TAFA4: variants seen among roughly 807,000 people sequenced by gnomAD.
The protein encoded by TAFA4 is TAFA chemokine like family member 4.
Under a neutral mutation model 21.1 loss-of-function variants are expected in TAFA4, and 20 were observed. The observed-to-expected ratio is 0.95, with a 90% confidence interval of 0.67 to 1.38. The LOEUF (loss-of-function observed/expected upper bound fraction) is 1.38, where lower values mean the gene tolerates loss of function less well. Ranked by LOEUF, TAFA4 falls within the 40% of genes most tolerant of loss-of-function variation. The pLI is 0.00. For missense variants in TAFA4, 211 were observed against 180.9 expected (o/e 1.17, Z -0.95); for synonymous variants, 71 against 67.4 (o/e 1.05, Z -0.26).
Position 68,744,675 on chromosome 3 carries a change from C to T in TAFA4, c.287-5476G>A, listed in dbSNP as rs536375739. Among the ~76,000 whole-genome samples, 66 of 152,116 alleles carry T rather than the reference C, an allele frequency of 4.3e-4. 1 individual carries two copies. Among genetic ancestry groups the T allele is most frequent in the African/African-American group, 6.0e-4 (25 of 41,498 alleles). ...GAGCTGGAGGGGGAAATAAAAATGA[C>T]GGATCCGGATGTATATCACAGAACA... On this transcript the variant is annotated intron_variant, in intron 4 of 5. Transcript: ENST00000295569.
chr3:68,931,339 G>A (rs559953560), intron 1 of TAFA4, among the ~76,000 whole-genome samples: 35 of 152,238 alleles, frequency 2.3e-4, no homozygotes, highest in African/African-American at 7.7e-4. Context: ...CCGTGAACCC[G>A]TGCATGTACA....
chr3:68,863,408 C>G (rs1433206491), intron 3 of TAFA4, among the ~76,000 whole-genome samples: 1 of 152,116 alleles, frequency 6.6e-6, no homozygotes, highest in Non-Finnish European at 1.5e-5. Context: ...AAAATGCCAT[C>G]AACACATGCT....
intron 3 of TAFA4, among the ~76,000 whole-genome samples, chr3:68,773,905 A>G (rs1703003737): frequency 6.6e-6 from 1 of 152,204 alleles, no homozygotes; most frequent in Non-Finnish European, 1.5e-5. Context: ...CGTGAGACTT[A>G]CTCAAGCAGT....
At chr3:68,861,883 A>G (rs573768504) in intron 3 of TAFA4, among the ~76,000 whole-genome samples, 2 of 152,208 alleles carry the variant, frequency 1.3e-5, no homozygotes, top group East Asian at 3.9e-4. Flanking sequence ...TTTACTAGAC[A>G]TAGTGCTGGG....
rs538070256 is a variant in TAFA4, at chr3:68,830,963, T to C, written c.130+49767A>G. The stretch of plus-strand genomic sequence containing the variant: ...TGTAATGGCCTTCTTTGTCTCTTCT[T>C]ATCTTTGTTGGTTTATAGTCTGTTT... On this transcript the variant is annotated intron_variant, in intron 3 of 5. Coordinates refer to ENST00000295569, the MANE Select transcript of TAFA4 (RefSeq NM_182522.5). Among the ~76,000 whole-genome samples the C allele has an allele frequency of 3.1e-3, 476 of 152,278 alleles. 2 individuals carry two copies. Among genetic ancestry groups the C allele is most frequent in the African/African-American group, 0.011 (465 of 41,542 alleles).
At chr3:68,768,072 A>G (rs1702889348) in intron 3 of TAFA4, among the ~76,000 whole-genome samples, 1 of 152,144 alleles carries the variant, frequency 6.6e-6, no homozygotes, top group Admixed American at 6.6e-5. Context: ...TCCAAAATAT[A>G]AGATCCCCAA....
chr3:68,772,237 CAAATA>C (rs1702971373), intron 3 of TAFA4, among the ~76,000 whole-genome samples: 1 of 152,108 alleles, frequency 6.6e-6, no homozygotes, highest in Non-Finnish European at 1.5e-5. Context: ...GTATTAAGTT[CAAATA>C]AAATATTAAG....
At chr3:68,812,536 TA>T (rs1703866453) in intron 3 of TAFA4, among the ~76,000 whole-genome samples, 1 of 152,066 alleles carries the variant, frequency 6.6e-6, no homozygotes, top group African/African-American at 2.4e-5. Context: ...TAGTCTCTGA[TA>T]AAACAGACTT....
intron 5 of TAFA4, among the ~76,000 whole-genome samples, chr3:68,734,943 T>C (rs1270216254): frequency 3.3e-5 from 5 of 152,108 alleles, no homozygotes; most frequent in African/African-American, 7.2e-5. Context: ...TTCACTGAAG[T>C]TGGATGATAA....
In TAFA4 at chr3:68,885,104, T is replaced by C. The variant is rs2089657423; in HGVS notation, c.14+71A>G. The C allele has an allele frequency of 3.4e-6, 5 of 1,455,164 alleles. No homozygotes were observed. In the Admixed American group the frequency reaches 7.1e-5, roughly 21 times the overall value. 90.1% of individuals were successfully genotyped at this position (1,455,164 alleles called of 1,614,324 possible). On this transcript the variant is annotated intron_variant, in intron 2 of 5. Transcript: ENST00000295569. The stretch of plus-strand genomic sequence containing the variant: ...CTAAAACGGATCATCAACTCCAGGA[T>C]ACTCACTTTTGCTAAATTCTCAATA...
intron 3 of TAFA4, among the ~76,000 whole-genome samples, chr3:68,779,398 A>G (rs1237187863): frequency 2.0e-5 from 3 of 152,202 alleles, no homozygotes; most frequent in Non-Finnish European, 4.4e-5. Context: ...AGACAATGGG[A>G]AAATGTCTCC....
chr3:68,845,660 T>C (rs1704772424), intron 3 of TAFA4, among the ~76,000 whole-genome samples: 1 of 152,180 alleles, frequency 6.6e-6, no homozygotes, highest in Admixed American at 6.5e-5. Flanking sequence ...CTGGTACCAG[T>C]TTTTCCTTTC....
rs151320888 is a variant in TAFA4, at chr3:68,798,106, T to C, written c.131-45088A>G. 2.4e-4 allele frequency among the ~76,000 whole-genome samples: 36 copies of C among 152,310 alleles called. No homozygotes were observed. In the East Asian group the frequency reaches 5.0e-3, roughly 21 times the overall value. On this transcript the variant is annotated intron_variant, in intron 3 of 5. Transcript: ENST00000295569. The stretch of plus-strand genomic sequence containing the variant: ...CACACAGTATCTCACAAGAAAAACC[T>C]AGACGATCCTGTTTTTATTAAAAGG...
chr3:68,905,345 A>G (rs1181451032), intron 1 of TAFA4, among the ~76,000 whole-genome samples: 1 of 151,472 alleles, frequency 6.6e-6, no homozygotes, highest in Non-Finnish European at 1.5e-5. Flanking sequence ...AAGTTTTTGT[A>G]TTTTAGTAGA....
At chr3:68,812,011 G>C (rs905227882) in intron 3 of TAFA4, among the ~76,000 whole-genome samples, 6 of 152,108 alleles carry the variant, frequency 3.9e-5, no homozygotes, top group African/African-American at 1.2e-4. Context: ...GAGAGTGGGG[G>C]CCAATATTCA....
chr3:68,874,943 T>A (rs962300200), intron 3 of TAFA4, among the ~76,000 whole-genome samples: 4 of 152,176 alleles, frequency 2.6e-5, no homozygotes, highest in African/African-American at 9.7e-5. Context: ...TTCCTTTCCC[T>A]TCTTATTAAA....
chr3:68,818,953 C>T (rs1704049727), intron 3 of TAFA4, among the ~76,000 whole-genome samples: 1 of 152,132 alleles, frequency 6.6e-6, no homozygotes, highest in Non-Finnish European at 1.5e-5. Context: ...CATAGGGTTG[C>T]CACAAAACTT....
At chr3:68,920,356 G>C (rs2090046735) in intron 1 of TAFA4, among the ~76,000 whole-genome samples, 2 of 152,088 alleles carry the variant, frequency 1.3e-5, no homozygotes, top group African/African-American at 4.8e-5. Context: ...AATATATTTT[G>C]ATATTTTCAC....
At chr3:68,881,025 A>G (rs1295099825) in intron 2 of TAFA4, among the ~76,000 whole-genome samples, 180 bp from the exon 3 acceptor site, 1 of 152,248 alleles carries the variant, frequency 6.6e-6, no homozygotes, top group Non-Finnish European at 1.5e-5. Flanking sequence ...TAAATTTTCA[A>G]TAAAAACCTT....
Sources: allele counts gnomAD v4.1 joint callset (sites outside exome capture counted in the v4.1 genomes callset), GRCh38; gene constraint gnomAD v4.1.1; transcripts MANE v1.5; gene names NCBI Gene and HGNC (gene_info 2026-07-23, HGNC 2026-07-21).